Variants in SORBS2 observed in about 807,000 individuals in gnomAD.
SORBS2 encodes sorbin and SH3 domain-containing protein 2.
Under a neutral mutation model 97.7 loss-of-function variants are expected in SORBS2, and 46 were observed. The ratio of observed to expected loss-of-function variants is 0.47; its 90% CI spans 0.37 to 0.60. The LOEUF is 0.60. SORBS2 is among the 20% of genes least tolerant of loss of function. The probability of loss-of-function intolerance (pLI) is 0.00; values close to 1 mark genes in which losing one functional copy is unlikely to be tolerated. For missense variants in SORBS2, 1,316 were observed against 1,282.3 expected (o/e 1.03, Z -0.40); for synonymous variants, 476 against 473.4 (o/e 1.01, Z -0.07).
chr4:185,897,351 C>G (rs539078550), intron 1 of SORBS2, among the ~76,000 whole-genome samples: 6 of 152,332 alleles, frequency 3.9e-5, no homozygotes, highest in South Asian at 2.1e-4. Context: ...CAGCAAGAAT[C>G]TGGACAGACA....
At chr4:185,676,975 G>C in intron 4 of SORBS2, 1 of 1,545,312 alleles carries the variant, frequency 6.5e-7, no homozygotes, top group East Asian at 2.4e-5. Flanking sequence ...TTAATACGAA[G>C]AGACTGAGAA....
At chr4:185,677,652 G>A (rs2097809453) in intron 4 of SORBS2, 1 of 1,472,374 alleles carries the variant, frequency 6.8e-7, no homozygotes, top group African/African-American at 1.4e-5. Flanking sequence ...GATTGACAAT[G>A]GGATCCAGAG....
At chr4:185,850,289 C>T (rs1272322290) in intron 1 of SORBS2, among the ~76,000 whole-genome samples, 1 of 152,218 alleles carries the variant, frequency 6.6e-6, no homozygotes, top group Non-Finnish European at 1.5e-5. Flanking sequence ...GAACTATCCA[C>T]ATGCCATGAG....
intron 2 of SORBS2, among the ~76,000 whole-genome samples, chr4:185,751,695 A>T (rs936884820): frequency 3.3e-5 from 5 of 152,124 alleles, no homozygotes; most frequent in African/African-American, 1.2e-4. Context: ...AGGGCATCAG[A>T]GGGGAGAGGA....
intron 13 of SORBS2, chr4:185,591,905 A>T (rs991824661): frequency 6.6e-6 from 1 of 152,230 alleles, no homozygotes; most frequent in African/African-American, 2.4e-5. Context: ...GTTTAATTAG[A>T]CCACAGAAAC....
At chr4:185,839,994 C>G (rs2099210506) in intron 1 of SORBS2, among the ~76,000 whole-genome samples, 1 of 82,430 alleles carries the variant, frequency 1.2e-5, no homozygotes, top group African/African-American at 3.5e-5. Flanking sequence ...TGAGTCTTAC[C>G]CTGTGGAAGA....
chr4:185,752,592 A>G (rs1016867183), intron 2 of SORBS2, among the ~76,000 whole-genome samples: 1 of 152,202 alleles, frequency 6.6e-6, no homozygotes, highest in Non-Finnish European at 1.5e-5. Context: ...CAGACTTTTA[A>G]AAAGATATAT....
At chr4:185,907,264 T>C (rs997773531) in intron 1 of SORBS2, among the ~76,000 whole-genome samples, 1 of 152,226 alleles carries the variant, frequency 6.6e-6, no homozygotes, top group African/African-American at 2.4e-5. Context: ...ATTTCCTTGC[T>C]ACCCTGCTAG....
At chr4:185,618,149 A>AT (rs1226581322) in intron 9 of SORBS2, among the ~76,000 whole-genome samples, 8 of 151,616 alleles carry the variant, frequency 5.3e-5, no homozygotes, top group Non-Finnish European at 7.4e-5. Flanking sequence ...TAATTTTTGT[A>AT]TTTTTTGTAG....
chr4:185,906,858 C>G (rs9993340), intron 1 of SORBS2, among the ~76,000 whole-genome samples: 26,978 of 152,164 alleles, frequency 0.18, 2,450 homozygotes, highest in South Asian at 0.22. Flanking sequence ...GGGCGCAGTG[C>G]CTCACGCCTG....
intron 1 of SORBS2, among the ~76,000 whole-genome samples, chr4:185,913,031 C>T (rs2099256194): frequency 1.3e-5 from 2 of 151,910 alleles, no homozygotes; most frequent in African/African-American, 4.8e-5. Context: ...TTTTCATTTG[C>T]TAAAGTGCTG....
chr4:185,847,059 T>A (rs2099214960), intron 1 of SORBS2, among the ~76,000 whole-genome samples: 1 of 152,132 alleles, frequency 6.6e-6, no homozygotes, highest in Non-Finnish European at 1.5e-5. Context: ...AGATTTTTTA[T>A]AATAAAACAT....
At chr4:185,719,363 G>A (rs2098492898) in intron 2 of SORBS2, among the ~76,000 whole-genome samples, 2 of 152,186 alleles carry the variant, frequency 1.3e-5, no homozygotes, top group Non-Finnish European at 2.9e-5. Context: ...TATTAAATGT[G>A]CTCAGGCTAG....
At chr4:185,907,605 C>T (rs569197838) in intron 1 of SORBS2, among the ~76,000 whole-genome samples, 1 of 152,262 alleles carries the variant, frequency 6.6e-6, no homozygotes, top group African/African-American at 2.4e-5. Flanking sequence ...TTTAAAATCA[C>T]ATATTATCCT....
chr4:185,691,063 C>A (rs1450415629), intron 2 of SORBS2, among the ~76,000 whole-genome samples: 1 of 152,004 alleles, frequency 6.6e-6, no homozygotes, highest in South Asian at 2.1e-4. Flanking sequence ...CCACACCCAG[C>A]TAATTTTTTT....
At chr4:185,720,969 G>A (rs1375221246) in intron 2 of SORBS2, among the ~76,000 whole-genome samples, 1 of 151,898 alleles carries the variant, frequency 6.6e-6, no homozygotes, top group Non-Finnish European at 1.5e-5. Context: ...CATTGGGAAT[G>A]ATACTAAAGT....
intron 2 of SORBS2, among the ~76,000 whole-genome samples, chr4:185,749,143 G>A (rs1215664691): frequency 1.3e-5 from 2 of 152,204 alleles, no homozygotes; most frequent in East Asian, 3.8e-4. Context: ...CTAACCACTG[G>A]AGTGGTGTTC....
At chr4:185,883,653 G>A (rs919888076) in intron 1 of SORBS2, among the ~76,000 whole-genome samples, 1 of 152,160 alleles carries the variant, frequency 6.6e-6, no homozygotes, top group African/African-American at 2.4e-5. Context: ...TGGTACATTT[G>A]TATAATGAAA....
intron 12 of SORBS2, 138 bp downstream of exon 24, chr4:185,611,640 TCA>T (rs909520751): frequency 6.2e-5 from 38 of 612,076 alleles, no homozygotes; most frequent in Non-Finnish European, 9.6e-5. Context: ...GATGTGGCAC[TCA>T]CACATGTAGA....
Sources: gnomAD v4.1 joint callset for allele counts (sites outside exome capture counted in the v4.1 genomes callset) on GRCh38, gnomAD v4.1.1 for gene constraint, MANE v1.5 for transcripts, NCBI Gene and HGNC (gene_info 2026-07-23, HGNC 2026-07-21) for gene names.